IGF2BP3: variants seen among roughly 807,000 people sequenced by gnomAD.
IGF2BP3 encodes insulin like growth factor 2 mRNA binding protein 3.
IGF2BP3 carries 9 observed loss-of-function variants against 73.8 expected under a neutral mutation model. The observed-to-expected ratio is 0.12, with a 90% confidence interval of 0.07 to 0.21. The LOEUF (loss-of-function observed/expected upper bound fraction) is 0.21, where lower values mean the gene tolerates loss of function less well. Among genes scored for constraint, IGF2BP3 ranks in the 10% least tolerant of loss-of-function variants. IGF2BP3 has a pLI of 1.00. For missense variants in IGF2BP3, 542 were observed against 714.0 expected (o/e 0.76, Z 2.75); for synonymous variants, 258 against 256.7 (o/e 1.01, Z -0.05).
At chr7:23,378,247 A>G (rs1785789404) in intron 3 of IGF2BP3, among the ~76,000 whole-genome samples, 1 of 152,056 alleles carries the variant, frequency 6.6e-6, no homozygotes, top group Admixed American at 6.6e-5. Context: ...TGGGAGAAAG[A>G]CTTTTTCTTT....
At position 23,401,027 on chromosome 7, in the gene IGF2BP3, C is replaced by T. The variant is rs146061634; in HGVS notation, c.285+17749G>A. ...TGTTGCCCAGGTTGGTCTCAAACTC[C>T]TGACCTCAAGTGACCTGCCTGCCTC... On this transcript the variant is annotated intron_variant, in intron 3 of 14. Transcript: ENST00000258729. Among the ~76,000 whole-genome samples, 917 of 152,290 alleles carry T rather than the reference C, an allele frequency of 6.0e-3. 6 individuals are homozygous for T. Among genetic ancestry groups the T allele is most frequent in the African/African-American group, 0.021 (883 of 41,556 alleles).
chr7:23,313,174 A>G (rs1783881125), intron 13 of IGF2BP3, among the ~76,000 whole-genome samples: 1 of 152,254 alleles, frequency 6.6e-6, no homozygotes, highest in Admixed American at 6.5e-5. Flanking sequence ...GACTAGAAAC[A>G]GTTTGCTTTT....
chr7:23,341,630 A>G (rs1378340179), intron 10 of IGF2BP3, among the ~76,000 whole-genome samples: 1 of 152,234 alleles, frequency 6.6e-6, no homozygotes, highest in Admixed American at 6.5e-5. Context: ...AGATTGTGCC[A>G]CTGCATTCCA....
intron 3 of IGF2BP3, among the ~76,000 whole-genome samples, chr7:23,384,849 A>G (rs1007803083): frequency 6.6e-6 from 1 of 152,068 alleles, no homozygotes; most frequent in Non-Finnish European, 1.5e-5. Flanking sequence ...CAGGATCGTA[A>G]CACTGTACTC....
chr7:23,448,413 CAA>C (rs1319226910), intron 2 of IGF2BP3, among the ~76,000 whole-genome samples: 1 of 152,016 alleles, frequency 6.6e-6, no homozygotes, highest in Admixed American at 6.6e-5. Flanking sequence ...CTTATCTTTT[CAA>C]AAATACATTT....
chr7:23,386,497 C>T (rs1010323607), intron 3 of IGF2BP3, among the ~76,000 whole-genome samples: 41 of 152,222 alleles, frequency 2.7e-4, no homozygotes, highest in African/African-American at 9.7e-4. Context: ...GAGCCCCCAA[C>T]AGCCAAAGCT....
rs150230313 is a variant in IGF2BP3 at position 23,310,832 on chromosome 7, T to G, written c.*1530A>C. 10 of 152,266 alleles carry G rather than the reference T, an allele frequency of 6.6e-5. No homozygotes were observed. In the East Asian group the frequency reaches 1.9e-3, roughly 29 times the overall value. 9.4% of individuals were successfully genotyped at this position (152,266 alleles called of 1,614,324 possible). ...TATATATATGTCCTTTAGATCAGTG[T>G]AACATGACTGTGATCATCTTACAAA... On this transcript the variant is annotated 3_prime_UTR_variant, in exon 15 of 15. Coordinates refer to ENST00000258729, the MANE Select transcript of IGF2BP3 (RefSeq NM_006547.3).
chr7:23,325,755 G>A (rs1455818968), intron 10 of IGF2BP3, among the ~76,000 whole-genome samples: 1 of 152,134 alleles, frequency 6.6e-6, no homozygotes, highest in Non-Finnish European at 1.5e-5. Context: ...ACAGAACAGA[G>A]CCCTCAGAAA....
At position 23,319,174 on chromosome 7, in the gene IGF2BP3, G is replaced by A. The variant is rs1319695645; in HGVS notation, c.1284C>T (p.Ile428=). 6.2e-7 allele frequency: 1 copy of A among 1,613,862 alleles called. No homozygotes were observed. The highest frequency in any genetic ancestry group is 1.7e-5 in the Admixed American group (1 of 60,014). The stretch of plus-strand genomic sequence containing the variant: ...CTCCAGCAAAGCGAGAAAGCTGCTT[G>A]ATGTGCTGGCCCTGCTTGCCGATGA... ...GAIIGKQGQH[I]KQLSRFAGAS... is the part of the protein sequence containing the mutation. The change falls in exon 11 of 15, where the codon ATC becomes ATT. Residue 428 remains isoleucine, a synonymous_variant. Coordinates refer to ENST00000258729, the MANE Select transcript of IGF2BP3 (RefSeq NM_006547.3).
At chr7:23,344,975 T>A (rs1784795821) in intron 8 of IGF2BP3, among the ~76,000 whole-genome samples, 1 of 152,240 alleles carries the variant, frequency 6.6e-6, no homozygotes. Flanking sequence ...ACTCTCCCCT[T>A]TCTGGGGGTA....
chr7:23,424,470 C>T (rs998461982), intron 2 of IGF2BP3, among the ~76,000 whole-genome samples: 6 of 152,170 alleles, frequency 3.9e-5, no homozygotes, highest in Admixed American at 2.6e-4. Context: ...GCACTCTAGC[C>T]TGGGCGACAA....
chr7:23,406,033 A>T (rs747108261), intron 3 of IGF2BP3, among the ~76,000 whole-genome samples: 4 of 151,862 alleles, frequency 2.6e-5, no homozygotes, highest in Non-Finnish European at 5.9e-5. Context: ...CGACTGTTGC[A>T]AAGAAATAAA....
chr7:23,322,568 A>G lies in IGF2BP3; in HGVS notation c.1204-3314T>C, dbSNP rs200742584. ...AACATTCAGATTCAGGAAATACAGA[A>G]AACGCCACAAAGATACTCCTCGAGA... On this transcript the variant is annotated intron_variant, in intron 10 of 14. Transcript: ENST00000258729. 3.4e-4 allele frequency among the ~76,000 whole-genome samples: 52 copies of G among 152,198 alleles called. 1 individual carries two copies. The highest frequency in any genetic ancestry group is 5.0e-4 in the Non-Finnish European group (34 of 68,014).
At chr7:23,419,416 T>C (rs767660669) in intron 2 of IGF2BP3, among the ~76,000 whole-genome samples, 2 of 152,252 alleles carry the variant, frequency 1.3e-5, no homozygotes, top group African/African-American at 2.4e-5. Flanking sequence ...TTATCATCTA[T>C]ACTCATTACT....
At chr7:23,329,864 G>A (rs1784399671) in intron 10 of IGF2BP3, among the ~76,000 whole-genome samples, 1 of 152,126 alleles carries the variant, frequency 6.6e-6, no homozygotes, top group African/African-American at 2.4e-5. Flanking sequence ...AGCCAGAGAG[G>A]TTAAGTTATT....
chr7:23,383,314 G>A (rs548804723), intron 3 of IGF2BP3, among the ~76,000 whole-genome samples: 9 of 152,074 alleles, frequency 5.9e-5, no homozygotes, highest in Non-Finnish European at 1.2e-4. Flanking sequence ...TAACAGATTG[G>A]AAAAATGTCT....
At position 23,345,983 on chromosome 7, in the gene IGF2BP3, T is replaced by C; in HGVS notation, c.898A>G (p.Lys300Glu). ...RLIGKEGRNL[K>E]KIEQDTDTKI... ...GTGTCTGTGTCTTGCTCAATTTTTT[T>C]AAGATTTCTTCCTTCTTTACCAATA... Residue 300 changes from lysine (K) to glutamate (E), a missense_variant, in exon 8 of 15, where the codon AAA becomes GAA. Around this residue, in one of 2 missense-constraint regions of IGF2BP3, gnomAD observed 303 missense variants for 472.1 expected, o/e 0.64. Coordinates refer to ENST00000258729, the MANE Select transcript of IGF2BP3 (RefSeq NM_006547.3). The C allele has an allele frequency of 1.2e-6, 2 of 1,613,676 alleles. No homozygotes were observed. The highest frequency in any genetic ancestry group is 1.7e-6 in the Non-Finnish European group (2 of 1,180,016).
chr7:23,352,330 C>T (rs1784985673), intron 5 of IGF2BP3, among the ~76,000 whole-genome samples: 1 of 144,834 alleles, frequency 6.9e-6, no homozygotes. Flanking sequence ...GCTCTGTTAC[C>T]CAGGCTGGAG....
chr7:23,312,783 C>T lies in IGF2BP3; in HGVS notation c.1593G>A (p.Glu531=). ...TTATTTTGACAACCACTTGGTCATT[C>T]TCATCAGGTGTCTGGTCACGAGGGA... ...VVVPRDQTPD[E]NDQVVVKITG... Residue 531 remains glutamate, a synonymous_variant, in exon 14 of 15, where the codon GAG becomes GAA. Transcript: ENST00000258729. The T allele has an allele frequency of 1.2e-6, 2 of 1,612,736 alleles. No homozygotes were observed. Among genetic ancestry groups the T allele is most frequent in the Non-Finnish European group, 1.7e-6 (2 of 1,179,716 alleles).
Sources: allele counts gnomAD v4.1 joint callset (sites outside exome capture counted in the v4.1 genomes callset), GRCh38; gene constraint gnomAD v4.1.1; regional missense constraint gnomAD v4.1.1; transcripts MANE v1.5; gene names NCBI Gene and HGNC (gene_info 2026-07-23, HGNC 2026-07-21).